Variants in KLHL41 observed in about 807,000 individuals in gnomAD.
KLHL41 encodes the protein kelch like family member 41.
A neutral mutation model predicts 49.2 loss-of-function variants in KLHL41; 31 were observed. The observed-to-expected ratio is 0.63, with a 90% CI of 0.47 to 0.85. The LOEUF is 0.85. Among genes scored for constraint, KLHL41 ranks in the 40% least tolerant of loss-of-function variants. The pLI, the probability that KLHL41 is intolerant of heterozygous loss-of-function variation, is 0.00. For synonymous variants in KLHL41, 218 were observed against 258.5 expected (o/e 0.84, Z 1.50); for missense variants, 663 against 726.7 (o/e 0.91, Z 1.01).
intron 5 of KLHL41, among the ~76,000 whole-genome samples, chr2:169,521,251 A>G (rs1227996470): frequency 2.6e-5 from 4 of 152,188 alleles, no homozygotes; most frequent in Admixed American, 1.3e-4. Flanking sequence ...CTGTAAAATG[A>G]GAGTTGGACC....
Position 169,524,587 on chromosome 2 carries a change from G to A in KLHL41, c.1710-998G>A, listed in dbSNP as rs1168954322. On this transcript the variant is annotated intron_variant, in intron 5 of 5. Coordinates refer to ENST00000284669, the MANE Select transcript of KLHL41 (RefSeq NM_006063.3). Reference sequence around the variant, plus strand: ...TAATTTTTATATTTTTAGTAGAGACGGGGTTTTGCCATATTGGCCGGGCTG... The same window carrying A: ...TAATTTTTATATTTTTAGTAGAGACAGGGTTTTGCCATATTGGCCGGGCTG... Among the ~76,000 whole-genome samples the A allele has an allele frequency of 2.6e-5, 4 of 151,904 alleles. No individual in the cohort carries two copies. The East Asian group carries it at 5.8e-4, about 22-fold the overall frequency.
intron 1 of KLHL41, among the ~76,000 whole-genome samples, chr2:169,512,750 C>T (rs897846259): frequency 2.0e-5 from 3 of 152,122 alleles, no homozygotes; most frequent in Non-Finnish European, 4.4e-5. Context: ...AGGGTTGTGA[C>T]TCATCAGACA....
At chr2:169,519,676 G>T in intron 4 of KLHL41, among the ~76,000 whole-genome samples, 2 of 147,978 alleles carry the variant, frequency 1.4e-5, no homozygotes, top group South Asian at 2.1e-4. Flanking sequence ...TTTGAGACAG[G>T]GTCTCACTGT....
Position 169,514,969 on chromosome 2 carries a change from C to T in KLHL41, c.1376+8C>T. ...AGGAAAGACAGATGACAAGTAAGTA[C>T]CCTGAACTCTCATGATTTATGTCTA... On this transcript the variant is annotated splice_region_variant and intron_variant, in intron 3 of 5. Transcript: ENST00000284669. The T allele has an allele frequency of 6.8e-7, 1 of 1,475,706 alleles. No individual in the cohort carries two copies. Among genetic ancestry groups the T allele is most frequent in the East Asian group, 2.3e-5 (1 of 43,984 alleles). 91.4% of individuals were successfully genotyped at this position (1,475,706 alleles called of 1,614,324 possible).
Position 169,510,066 on chromosome 2 carries a change from T to G in KLHL41, c.288T>G (p.Ile96Met), listed in dbSNP as rs1459980420. ...TCAAATACCTGTACTCTGCCAGTAT[T>G]GATCTCAATGACGGAAATGTGCAAG... ...LIIKYLYSAS[I>M]DLNDGNVQDI... is the part of the protein sequence containing the mutation. The change falls in exon 1 of 6, where the codon ATT becomes ATG. Residue 96 changes from isoleucine to methionine, a missense_variant. Ile to Met is a conservative substitution (Grantham distance 10). Around this residue, in one of 3 missense-constraint regions of KLHL41, gnomAD observed 129 missense variants for 122.1 expected, o/e 1.06. Transcript: ENST00000284669. The surrounding 1 kb of genome is among the most constrained non-coding windows in gnomAD (Gnocchi z 4.2). 6.2e-7 allele frequency: 1 copy of G among 1,614,098 alleles called. No homozygotes were observed. Among genetic ancestry groups the G allele is most frequent in the African/African-American group, 1.3e-5 (1 of 74,946 alleles).
Position 169,514,891 on chromosome 2 carries a change from AAAGTCTATGGC to A in KLHL41, c.1307_1317del (p.Lys436ThrfsTer2). The A allele has an allele frequency of 6.2e-7, 1 of 1,610,624 alleles. No individual in the cohort carries two copies. The highest frequency in any genetic ancestry group is 8.5e-7 in the Non-Finnish European group (1 of 1,179,172). ...GAACGAAGTAAAAAAACTCCCTATC[AAAGTCTATGGC>A]CATAATGTGATTTCACATAAAGGGA... On this transcript the variant is annotated frameshift_variant, in exon 3 of 6. Coordinates refer to ENST00000284669, the MANE Select transcript of KLHL41 (RefSeq NM_006063.3). LOFTEE classifies it high-confidence loss of function.
chr2:169,509,972 AAATTG>A lies in KLHL41; in HGVS notation c.196_200del (p.Ile66Ter). 1 of 1,614,154 alleles carries A rather than the reference AAATTG, an allele frequency of 6.2e-7. No homozygotes were observed. The highest frequency in any genetic ancestry group is 1.3e-5 in the African/African-American group (1 of 75,042). On this transcript the variant is annotated frameshift_variant, in exon 1 of 6. Transcript: ENST00000284669. LOFTEE classifies it high-confidence loss of function. The stretch of plus-strand genomic sequence containing the variant: ...TACTTCCGTGAGTACTTTTTATCTG[AAATTG>A]ATGAGGCGAAAAAAAAGGAGGTAGT...
intron 3 of KLHL41, among the ~76,000 whole-genome samples, chr2:169,515,420 G>A (rs1194853692): frequency 6.6e-6 from 1 of 152,086 alleles, no homozygotes; most frequent in African/African-American, 2.4e-5. Context: ...AAAATTTCAA[G>A]TCGCTGAAGT....
intron 4 of KLHL41, 138 bp from the exon 5 acceptor site, chr2:169,520,723 G>A (rs1216981466): frequency 7.7e-6 from 5 of 648,398 alleles, no homozygotes; most frequent in Non-Finnish European, 1.0e-5. Flanking sequence ...AAAGTGCTGG[G>A]ATTACCGGCA....
At position 169,520,952 on chromosome 2, in the gene KLHL41, A is replaced by G. The variant is rs1350898354; in HGVS notation, c.1654A>G (p.Met552Val). ...TCTGTATGCAATTGGTGGTTTTGCT[A>G]TGATTCAACTGGAGTCTAAAGAATT... ...GSLYAIGGFA[M>V]IQLESKEFAP... The change falls in exon 5 of 6, where the codon ATG (methionine) becomes GTG (valine). Residue 552 changes from methionine to valine, a missense_variant. Met to Val is a conservative substitution (Grantham distance 21, BLOSUM62 1). This residue lies in a region of KLHL41 where 528 missense variants were observed against 581.0 expected (regional missense o/e 0.91). Coordinates refer to ENST00000284669, the MANE Select transcript of KLHL41 (RefSeq NM_006063.3). 4 of 1,613,918 alleles carry G rather than the reference A, an allele frequency of 2.5e-6. No homozygotes were observed. Among genetic ancestry groups the G allele is most frequent in the African/African-American group, 2.7e-5 (2 of 74,938 alleles).
rs1279627685 is a variant in KLHL41, at chr2:169,516,797, G to A, written c.1377-1393G>A. 2.6e-5 allele frequency among the ~76,000 whole-genome samples: 4 copies of A among 152,160 alleles called. No homozygotes were observed. In the East Asian group the frequency reaches 7.7e-4, roughly 29 times the overall value. On this transcript the variant is annotated intron_variant, in intron 3 of 5. Coordinates refer to ENST00000284669, the MANE Select transcript of KLHL41 (RefSeq NM_006063.3). ...AGCACTTTGGGAGACCGAGGCAGGT[G>A]GATCACCTGAGGTCGGGAATTTGAG... is the stretch of plus-strand genomic sequence containing the variant.
chr2:169,522,053 A>T (rs1184852050), intron 5 of KLHL41, among the ~76,000 whole-genome samples: 1 of 152,096 alleles, frequency 6.6e-6, no homozygotes, highest in African/African-American at 2.4e-5. Flanking sequence ...CTGAATGAGA[A>T]TCTGTATTTT....
In KLHL41 at chr2:169,510,588, C is replaced by T. The variant is rs753570525; in HGVS notation, c.810C>T (p.Ala270=). 4 of 1,613,938 alleles carry T rather than the reference C, an allele frequency of 2.5e-6. No homozygotes were observed. Among genetic ancestry groups the T allele is most frequent in the Admixed American group, 3.3e-5 (2 of 59,998 alleles). ...AACTCCCAGAACCTAGCAAAAATGC[C>T]GCGAAGACTGGGGCTGGTGAGGTGA... ...AGKLPEPSKN[A]AKTGAGEVNG... Residue 270 remains alanine (A), a synonymous_variant, in exon 1 of 6, where the codon GCC becomes GCT. Coordinates refer to ENST00000284669, the MANE Select transcript of KLHL41 (RefSeq NM_006063.3). This position sits in a 1 kb window ranked among gnomAD's most constrained non-coding sequence, Gnocchi z 4.2.
At chr2:169,514,359 T>C in intron 1 of KLHL41, 1 of 426,534 alleles carries the variant, frequency 2.3e-6, no homozygotes, top group Non-Finnish European at 4.1e-6. Flanking sequence ...CCTTGAAGAT[T>C]TTGATATCTT....
intron 4 of KLHL41, among the ~76,000 whole-genome samples, chr2:169,519,650 AC>A (rs1290881048): frequency 8.3e-6 from 1 of 120,114 alleles, no homozygotes; most frequent in Non-Finnish European, 1.7e-5. Context: ...ATTTTCTCAA[AC>A]TTTTTTTTTT....
chr2:169,517,350 C>T (rs150611490), intron 3 of KLHL41, among the ~76,000 whole-genome samples: 5,959 of 152,336 alleles, frequency 0.039, 159 homozygotes, highest in Middle Eastern at 0.085. Context: ...CACCTGTAAT[C>T]CCAGCACTTT....
chr2:169,519,430 T>A (rs1356298959), intron 4 of KLHL41, among the ~76,000 whole-genome samples: 1 of 152,194 alleles, frequency 6.6e-6, no homozygotes, highest in Non-Finnish European at 1.5e-5. Flanking sequence ...TCGAAGACTG[T>A]AATGTGGGTA....
chr2:169,518,047 T>G, intron 3 of KLHL41, 143 bp from the exon 4 acceptor site: 1 of 610,232 alleles, frequency 1.6e-6, no homozygotes, highest in Non-Finnish European at 2.8e-6. Flanking sequence ...TTGTCCTTTG[T>G]TTAGTGGCAT....
At chr2:169,511,904 A>G (rs1227171520) in intron 1 of KLHL41, among the ~76,000 whole-genome samples, 1 of 152,190 alleles carries the variant, frequency 6.6e-6, no homozygotes, top group Non-Finnish European at 1.5e-5. Context: ...ATACTTTATC[A>G]GTTTATGAAG....
Sources: allele counts gnomAD v4.1 joint callset (sites outside exome capture counted in the v4.1 genomes callset), GRCh38; gene constraint gnomAD v4.1.1; regional missense constraint gnomAD v4.1.1; non-coding constraint Gnocchi (gnomAD v3.1); transcripts MANE v1.5; gene names NCBI Gene and HGNC (gene_info 2026-07-23, HGNC 2026-07-21).